SETBP1: variants seen among roughly 807,000 people sequenced by gnomAD.
The protein encoded by SETBP1 is SET binding protein 1.
In SETBP1, 9 loss-of-function variants were observed where a neutral mutation model predicts 101.0. That is an observed-to-expected ratio of 0.09 (90% CI 0.05 to 0.16). The LOEUF (loss-of-function observed/expected upper bound fraction) is 0.16. SETBP1 is among the 10% of genes least tolerant of loss of function. SETBP1 has a pLI of 1.00. For synonymous variants in SETBP1, 818 were observed against 788.5 expected (o/e 1.04, Z -0.63); for missense variants, 1,858 against 2,033.8 (o/e 0.91, Z 1.66).
chr18:44,789,095 AC>A (rs1458809450), intron 2 of SETBP1, among the ~76,000 whole-genome samples: 1 of 151,818 alleles, frequency 6.6e-6, no homozygotes, highest in African/African-American at 2.4e-5. Context: ...GAGCCACCGC[AC>A]CCGGCTTCCT....
rs559976968 is a variant in SETBP1 at position 44,873,282 on chromosome 18, C to T, written c.540+3999C>T. On this transcript the variant is annotated intron_variant, in intron 3 of 5. Transcript: ENST00000649279. ...ACCAATATTAGCTTTGTGACCCTGA[C>T]GAAGTTACCTAATGTCTTTGATCTT... Among the ~76,000 whole-genome samples, 7 of 152,190 alleles carry T rather than the reference C, an allele frequency of 4.6e-5. No homozygotes were observed. In the South Asian group the frequency reaches 6.2e-4, roughly 14 times the overall value.
At chr18:44,946,064 T>C (rs2071199304) in intron 3 of SETBP1, among the ~76,000 whole-genome samples, 1 of 152,240 alleles carries the variant, frequency 6.6e-6, no homozygotes, top group African/African-American at 2.4e-5. Flanking sequence ...GATATAGCTA[T>C]CAGCCAAGGC....
intron 2 of SETBP1, among the ~76,000 whole-genome samples, chr18:44,771,695 A>G (rs1403311925): frequency 6.6e-6 from 1 of 152,170 alleles, no homozygotes; most frequent in Admixed American, 6.5e-5. Flanking sequence ...GGGAAAGAGC[A>G]GAAGGTGGAG....
intron 5 of SETBP1, among the ~76,000 whole-genome samples, chr18:45,053,453 C>T (rs908890746): frequency 2.6e-5 from 4 of 152,128 alleles, no homozygotes; most frequent in African/African-American, 4.8e-5. Context: ...AAGCAAGGGT[C>T]CTTTCAAGAA....
At chr18:44,884,500 T>C (rs938548874) in intron 3 of SETBP1, among the ~76,000 whole-genome samples, 1 of 152,160 alleles carries the variant, frequency 6.6e-6, no homozygotes, top group Non-Finnish European at 1.5e-5. Flanking sequence ...AACCTTCTCA[T>C]GGCAGCATTG....
intron 2 of SETBP1, among the ~76,000 whole-genome samples, chr18:44,746,743 G>A (rs775320400): frequency 5.7e-4 from 87 of 152,188 alleles, no homozygotes; most frequent in Non-Finnish European, 9.0e-4. Context: ...TAAGGGAGTG[G>A]CAATTAATAT....
intron 4 of SETBP1, among the ~76,000 whole-genome samples, chr18:45,006,580 T>C (rs1273128452): frequency 2.0e-5 from 3 of 152,236 alleles, no homozygotes; most frequent in Non-Finnish European, 4.4e-5. Context: ...CTTTGGCTTA[T>C]GTATGCATCG....
At chr18:44,688,771 A>G (rs902467624) in intron 1 of SETBP1, among the ~76,000 whole-genome samples, 2 of 152,160 alleles carry the variant, frequency 1.3e-5, no homozygotes, top group African/African-American at 4.8e-5. Flanking sequence ...GGTTTTTAAA[A>G]AAGTATTGAT....
At position 45,016,745 on chromosome 18, in the gene SETBP1, A is replaced by G. The variant is rs1167639007; in HGVS notation, c.4001-21740A>G. ...CATTGGTGCGCGCACACACACACAC[A>G]CACACACACACACACACACACAGAG... is the stretch of plus-strand genomic sequence containing the variant. On this transcript the variant is annotated intron_variant, in intron 4 of 5. Coordinates refer to ENST00000649279, the MANE Select transcript of SETBP1 (RefSeq NM_015559.3). Among the ~76,000 whole-genome samples, 76 of 151,134 alleles carry G rather than the reference A, an allele frequency of 5.0e-4. 1 individual carries two copies. The highest frequency in any genetic ancestry group is 1.8e-3 in the African/African-American group (76 of 41,118).
chr18:44,768,046 C>T (rs2070795530), intron 2 of SETBP1, among the ~76,000 whole-genome samples: 1 of 152,174 alleles, frequency 6.6e-6, no homozygotes, highest in Non-Finnish European at 1.5e-5. Flanking sequence ...AGACTGAGCT[C>T]CTTGGAATCA....
intron 4 of SETBP1, among the ~76,000 whole-genome samples, chr18:45,001,876 T>G (rs1424629819): frequency 6.6e-6 from 1 of 152,114 alleles, no homozygotes; most frequent in East Asian, 1.9e-4. Context: ...TCAGGAAACT[T>G]ACTTAAGACA....
At chr18:44,744,969 A>G (rs2070202493) in intron 2 of SETBP1, among the ~76,000 whole-genome samples, 1 of 151,934 alleles carries the variant, frequency 6.6e-6, no homozygotes, top group African/African-American at 2.4e-5. Flanking sequence ...TGAAGCTGTT[A>G]TGCGCGTCTG....
At chr18:44,737,385 G>A (rs543090060) in intron 2 of SETBP1, among the ~76,000 whole-genome samples, 1 of 152,278 alleles carries the variant, frequency 6.6e-6, no homozygotes, top group Admixed American at 6.5e-5. Context: ...GAGAGGACTG[G>A]TTTCTCCCTG....
intron 2 of SETBP1, among the ~76,000 whole-genome samples, chr18:44,840,808 C>G (rs1371856769): frequency 6.6e-6 from 1 of 152,210 alleles, no homozygotes; most frequent in Non-Finnish European, 1.5e-5. Context: ...ACCTGGAGAG[C>G]TTTTTAGAAA....
chr18:44,776,112 G>A (rs970880271), intron 2 of SETBP1, among the ~76,000 whole-genome samples: 2 of 152,098 alleles, frequency 1.3e-5, no homozygotes, highest in African/African-American at 4.8e-5. Flanking sequence ...TGAGAGGGAG[G>A]GTATTATGAA....
chr18:44,760,323 C>T (rs1214572364), intron 2 of SETBP1, among the ~76,000 whole-genome samples: 1 of 152,148 alleles, frequency 6.6e-6, no homozygotes, highest in Non-Finnish European at 1.5e-5. Context: ...ACTGCAGAGG[C>T]CTGAAATGTG....
At position 44,977,264 on chromosome 18, in the gene SETBP1, G is replaced by A. The variant is rs575964072; in HGVS notation, c.4000+23924G>A. On this transcript the variant is annotated intron_variant, in intron 4 of 5. Coordinates refer to ENST00000649279, the MANE Select transcript of SETBP1 (RefSeq NM_015559.3). ...TGGATAGATATCAAAAAAGAAATGC[G>A]GAAGGTATGTGTGGACAACTGATAT... Among the ~76,000 whole-genome samples, 115 of 152,310 alleles carry A rather than the reference G, an allele frequency of 7.6e-4. 1 individual carries two copies. Among genetic ancestry groups the A allele is most frequent in the Non-Finnish European group, 1.3e-3 (86 of 68,034 alleles).
chr18:45,049,007 T>A (rs1406635913), intron 5 of SETBP1, among the ~76,000 whole-genome samples: 3,364 of 62,376 alleles, frequency 0.054, 1 homozygote, highest in Non-Finnish European at 0.069. Context: ...AAAAAAAAAA[T>A]AGAAGATTAG....
rs764706604 is a variant in SETBP1, at chr18:44,701,492, C to T, written c.146C>T (p.Pro49Leu). 7.4e-6 allele frequency: 12 copies of T among 1,613,830 alleles called. No individual in the cohort carries two copies. The highest frequency in any genetic ancestry group is 2.2e-5 in the South Asian group (2 of 91,068). ...LSTPGPGKGIPVGGERMEPEE... is the reference protein window; with the variant it reads ...LSTPGPGKGILVGGERMEPEE... Reference sequence around the variant, plus strand: ...ACTCCAGGACCTGGGAAGGGGATCCCGGTGGGCGGAGAGCGCATGGAGCCA... The same window carrying T: ...ACTCCAGGACCTGGGAAGGGGATCCTGGTGGGCGGAGAGCGCATGGAGCCA... Residue 49 changes from proline (P) to leucine (L), a missense_variant, in exon 2 of 6, where the codon CCG (proline) becomes CTG (leucine). This residue lies in a region of SETBP1 where 97 missense variants were observed against 101.2 expected (regional missense o/e 0.96). Transcript: ENST00000649279.
Sources: allele counts gnomAD v4.1 joint callset (sites outside exome capture counted in the v4.1 genomes callset), GRCh38; gene constraint gnomAD v4.1.1; regional missense constraint gnomAD v4.1.1; transcripts MANE v1.5; gene names NCBI Gene and HGNC (gene_info 2026-07-23, HGNC 2026-07-21).